Variants in AKAP10 observed in about 807,000 individuals in gnomAD.
AKAP10 encodes A-kinase anchoring protein 10, also known as A-kinase anchor protein 10, mitochondrial.
In AKAP10, 24 loss-of-function variants were observed where a neutral mutation model predicts 80.8. The observed-to-expected ratio is 0.30, with a 90% CI of 0.22 to 0.42. AKAP10 has a LOEUF of 0.42. Ranked by LOEUF, AKAP10 falls within the 10% of genes least tolerant of loss-of-function variation. AKAP10 has a pLI of 1.00. For missense variants in AKAP10, 661 were observed against 794.9 expected (o/e 0.83, Z 2.03); for synonymous variants, 291 against 277.7 (o/e 1.05, Z -0.48).
intron 12 of AKAP10, among the ~76,000 whole-genome samples, chr17:19,912,507 A>T (rs2042701571): frequency 6.6e-6 from 1 of 152,220 alleles, no homozygotes; most frequent in South Asian, 2.1e-4. Context: ...ACTGCACTCC[A>T]GCCTGGGTGA....
intron 10 of AKAP10, among the ~76,000 whole-genome samples, chr17:19,927,102 A>G (rs551869296): frequency 6.6e-6 from 1 of 152,282 alleles, no homozygotes; most frequent in African/African-American, 2.4e-5. Flanking sequence ...TCTGGGAGGC[A>G]GAGGTGGGAG....
At chr17:19,965,285 GA>G (rs1048457703) in intron 2 of AKAP10, among the ~76,000 whole-genome samples, 1 of 151,556 alleles carries the variant, frequency 6.6e-6, no homozygotes, top group Admixed American at 6.6e-5. Context: ...TTTCCTTCAA[GA>G]TGTTTAAACA....
intron 12 of AKAP10, among the ~76,000 whole-genome samples, chr17:19,918,212 C>A (rs1361950257): frequency 6.8e-6 from 1 of 145,996 alleles, no homozygotes; most frequent in Non-Finnish European, 1.5e-5. Flanking sequence ...CACAGCAAGA[C>A]TCCGTCTCAA....
intron 10 of AKAP10, among the ~76,000 whole-genome samples, chr17:19,928,818 C>T (rs186895756): frequency 2.0e-5 from 3 of 152,008 alleles, no homozygotes; most frequent in Admixed American, 1.3e-4. Flanking sequence ...TGCAGTGAGC[C>T]GAGATTGTGC....
intron 11 of AKAP10, among the ~76,000 whole-genome samples, chr17:19,920,413 C>T (rs541166121): frequency 6.6e-6 from 1 of 152,084 alleles, no homozygotes; most frequent in African/African-American, 2.4e-5. Flanking sequence ...CAAGAATAGC[C>T]AAGACAATTT....
chr17:19,913,374 G>A (rs1414311749), intron 12 of AKAP10, among the ~76,000 whole-genome samples: 2 of 152,020 alleles, frequency 1.3e-5, no homozygotes, highest in Non-Finnish European at 2.9e-5. Context: ...GGATGGTCTC[G>A]AACTCCTGAC....
chr17:19,941,690 T>A, intron 6 of AKAP10, 136 bp downstream of exon 6: 1 of 486,736 alleles, frequency 2.1e-6, no homozygotes, highest in Non-Finnish European at 3.3e-6. Flanking sequence ...AGATAGAGTA[T>A]GCTTTATATG....
intron 1 of AKAP10, among the ~76,000 whole-genome samples, chr17:19,973,439 T>C (rs1345490515): frequency 1.3e-5 from 2 of 152,204 alleles, no homozygotes; most frequent in Non-Finnish European, 2.9e-5. Flanking sequence ...ATCTGAGATA[T>C]ATGAGAGGAG....
chr17:19,947,581 A>G, intron 4 of AKAP10, 76 bp from the exon 5 acceptor site: 1 of 975,566 alleles, frequency 1.0e-6, no homozygotes, highest in Middle Eastern at 2.1e-4. Flanking sequence ...CATGAATAGC[A>G]GGGCTTAGAT....
chr17:19,916,787 A>G (rs770844542), intron 12 of AKAP10, among the ~76,000 whole-genome samples: 12 of 151,476 alleles, frequency 7.9e-5, no homozygotes, highest in Non-Finnish European at 1.5e-4. Context: ...AATACAAAAA[A>G]TTAGCCGGGC....
At chr17:19,937,128 A>G (rs1207251386) in intron 8 of AKAP10, among the ~76,000 whole-genome samples, 1 of 152,208 alleles carries the variant, frequency 6.6e-6, no homozygotes, top group Non-Finnish European at 1.5e-5. Context: ...GCTCTCTTCC[A>G]AGCACTCTAA....
At chr17:19,918,769 C>G (rs542466496) in intron 12 of AKAP10, among the ~76,000 whole-genome samples, 1 of 152,166 alleles carries the variant, frequency 6.6e-6, no homozygotes, top group South Asian at 2.1e-4. Flanking sequence ...TTTCTGAAAT[C>G]TTCCTGTGTA....
At position 19,920,885 on chromosome 17, in the gene AKAP10, A is replaced by G. The variant is rs866150561; in HGVS notation, c.1752-767T>C. Among the ~76,000 whole-genome samples, 191 of 132,544 alleles carry G rather than the reference A, an allele frequency of 1.4e-3. 8 individuals are homozygous for G. In the East Asian group the frequency reaches 0.039, roughly 27 times the overall value. 87.0% of individuals were successfully genotyped at this position (132,544 alleles called of 152,430 possible). Reference sequence around the variant, plus strand: ...AAAAAAAAAAAAAAAAAAAAAAAAAAGCAAAAAATACAGTAAGGGTCTTAT... The same window carrying G: ...AAAAAAAAAAAAAAAAAAAAAAAAAGGCAAAAAATACAGTAAGGGTCTTAT... On this transcript the variant is annotated intron_variant, in intron 11 of 14. Coordinates refer to ENST00000225737, the MANE Select transcript of AKAP10 (RefSeq NM_007202.4).
intron 5 of AKAP10, among the ~76,000 whole-genome samples, chr17:19,946,607 T>C (rs1343247021): frequency 1.3e-5 from 2 of 151,306 alleles, no homozygotes; most frequent in Admixed American, 6.6e-5. Context: ...CTTGCTGTCA[T>C]TGTTATTCAG....
intron 2 of AKAP10, among the ~76,000 whole-genome samples, chr17:19,966,978 G>A (rs2043428153): frequency 6.6e-6 from 1 of 152,012 alleles, no homozygotes; most frequent in Admixed American, 6.6e-5. Flanking sequence ...AGGCTGTAAG[G>A]TACCTTACTT....
At chr17:19,940,642 ACTC>A (rs2043041911) in intron 7 of AKAP10, among the ~76,000 whole-genome samples, 1 of 152,198 alleles carries the variant, frequency 6.6e-6, no homozygotes, top group Non-Finnish European at 1.5e-5. Context: ...AAAAACATGC[ACTC>A]TCTTACATGC....
At chr17:19,913,158 T>G (rs1380970728) in intron 12 of AKAP10, among the ~76,000 whole-genome samples, 2 of 147,522 alleles carry the variant, frequency 1.4e-5, no homozygotes, top group Admixed American at 6.8e-5. Context: ...TAATTGTTTT[T>G]TTTTTTTTTT....
intron 3 of AKAP10, among the ~76,000 whole-genome samples, chr17:19,962,499 T>C (rs1459713456): frequency 1.3e-5 from 2 of 152,166 alleles, no homozygotes. Context: ...ACATTCAAAT[T>C]GTCAAACTTT....
intron 12 of AKAP10, among the ~76,000 whole-genome samples, chr17:19,919,494 G>GCCAACGTGGTGAAACC (rs2042786823): frequency 6.6e-6 from 1 of 152,042 alleles, no homozygotes; most frequent in South Asian, 2.1e-4. Flanking sequence ...GACCAGCCTA[G>GCCAACGTGGTGAAACC]CCAACGTGGT....
Sources: gnomAD v4.1 joint callset for allele counts (sites outside exome capture counted in the v4.1 genomes callset) on GRCh38, gnomAD v4.1.1 for gene constraint, MANE v1.5 for transcripts, NCBI Gene and HGNC (gene_info 2026-07-23, HGNC 2026-07-21) for gene names.